Variants in TSHZ2 observed in about 807,000 individuals in gnomAD.
TSHZ2 encodes the protein teashirt zinc finger homeobox 2, also known as teashirt homolog 2.
A neutral mutation model predicts 74.4 loss-of-function variants in TSHZ2; 21 were observed. That is an observed-to-expected ratio of 0.28 (90% CI 0.20 to 0.41). The LOEUF (loss-of-function observed/expected upper bound fraction) is 0.41. Ranked by LOEUF, TSHZ2 falls within the 10% of genes least tolerant of loss-of-function variation. The pLI is 1.00. For missense variants in TSHZ2, 1,244 were observed against 1,293.5 expected (o/e 0.96, Z 0.59); for synonymous variants, 540 against 515.3 (o/e 1.05, Z -0.65).
chr20:53,007,669 G>T (rs143059409), intron 1 of TSHZ2, among the ~76,000 whole-genome samples: 15 of 151,350 alleles, frequency 9.9e-5, no homozygotes, highest in African/African-American at 3.6e-4. Context: ...ATACTCATGC[G>T]TGTATGTATG....
chr20:53,003,035 CATA>C (rs965815438), intron 1 of TSHZ2, among the ~76,000 whole-genome samples: 1 of 152,126 alleles, frequency 6.6e-6, no homozygotes, highest in African/African-American at 2.4e-5. Context: ...ACGTTGTAGA[CATA>C]ATAAGAGACA....
chr20:53,405,950 T>G (rs1364395702), intron 2 of TSHZ2, among the ~76,000 whole-genome samples: 3 of 152,028 alleles, frequency 2.0e-5, no homozygotes, highest in African/African-American at 7.3e-5. Flanking sequence ...TGAGCCTATA[T>G]TGCACCACTG....
rs527983289 is a variant in TSHZ2 at position 53,339,798 on chromosome 20, G to T, written c.*8+83227G>T. On this transcript the variant is annotated intron_variant, in intron 2 of 2. Coordinates refer to ENST00000371497, the MANE Select transcript of TSHZ2 (RefSeq NM_173485.6). ...GGGACTCGCTGCTCTCCTGGGCACTGCTGGAGGAAGGGATGCAGGTTATTG... is the reference window on the plus strand; with the variant it reads ...GGGACTCGCTGCTCTCCTGGGCACTTCTGGAGGAAGGGATGCAGGTTATTG... Among the ~76,000 whole-genome samples the T allele has an allele frequency of 3.3e-5, 5 of 152,280 alleles. No individual in the cohort carries two copies. The South Asian group carries it at 1.0e-3, about 32-fold the overall frequency.
At chr20:53,405,116 G>T (rs893190065) in intron 2 of TSHZ2, among the ~76,000 whole-genome samples, 1 of 142,122 alleles carries the variant, frequency 7.0e-6, no homozygotes, top group African/African-American at 2.5e-5. Context: ...AGCTGTGGTT[G>T]CGCGTACCTA....
Position 53,488,834 on chromosome 20 carries a change from TTA to T in TSHZ2, c.*1700_*1701del. ...ATGATCCCTAAATTCAACATTGGGA[TTA>T]AAAAAAAAAAAAAACTTCTTATTTA... On this transcript the variant is annotated 3_prime_UTR_variant, in exon 3 of 3. Transcript: ENST00000371497. 2 of 325,448 alleles carry T rather than the reference TTA, an allele frequency of 6.1e-6. No homozygotes were observed. Among genetic ancestry groups the T allele is most frequent in the Non-Finnish European group, 1.2e-5 (2 of 165,586 alleles). 20.2% of individuals were successfully genotyped at this position (325,448 alleles called of 1,614,324 possible).
At chr20:53,189,905 G>A (rs1988685755) in intron 1 of TSHZ2, among the ~76,000 whole-genome samples, 1 of 150,904 alleles carries the variant, frequency 6.6e-6, no homozygotes, top group Admixed American at 6.6e-5. Flanking sequence ...GCAACATGGT[G>A]AAACCTCATG....
chr20:53,392,684 G>A (rs1600603095), intron 2 of TSHZ2, among the ~76,000 whole-genome samples: 2 of 151,940 alleles, frequency 1.3e-5, no homozygotes. Flanking sequence ...TTTTAGCATT[G>A]TATTCATTCT....
chr20:53,337,666 G>T (rs75776705), intron 2 of TSHZ2, among the ~76,000 whole-genome samples: 4 of 152,278 alleles, frequency 2.6e-5, no homozygotes, highest in East Asian at 1.9e-4. Flanking sequence ...GCTCAGATTC[G>T]ATTCTTGTTA....
chr20:53,113,617 T>C (rs1036470042), intron 1 of TSHZ2, among the ~76,000 whole-genome samples: 6 of 152,194 alleles, frequency 3.9e-5, no homozygotes, highest in Non-Finnish European at 2.9e-5. Flanking sequence ...TTTCAGAATA[T>C]CTAAGAGGCA....
chr20:53,446,791 T>C (rs1416524998), intron 2 of TSHZ2, among the ~76,000 whole-genome samples: 1 of 152,150 alleles, frequency 6.6e-6, no homozygotes, highest in Non-Finnish European at 1.5e-5. Flanking sequence ...ACTGACTCTC[T>C]AGTGGGGGCA....
intron 1 of TSHZ2, among the ~76,000 whole-genome samples, chr20:53,157,071 T>A (rs1041959210): frequency 6.6e-6 from 1 of 152,244 alleles, no homozygotes; most frequent in African/African-American, 2.4e-5. Context: ...GTGTGAAAAC[T>A]GCAAGTCCTG....
intron 1 of TSHZ2, among the ~76,000 whole-genome samples, chr20:53,160,161 T>C (rs1439456040): frequency 6.6e-6 from 1 of 152,072 alleles, no homozygotes; most frequent in Non-Finnish European, 1.5e-5. Flanking sequence ...GAGGGGCACA[T>C]GGGAGAGAGG....
intron 2 of TSHZ2, among the ~76,000 whole-genome samples, chr20:53,456,248 C>T (rs977172276): frequency 4.4e-4 from 66 of 150,584 alleles, no homozygotes; most frequent in African/African-American, 1.5e-3. Flanking sequence ...TTAATGATTG[C>T]CATTCTAACT....
intron 2 of TSHZ2, chr20:53,397,754 A>G (rs942317714): frequency 4.6e-5 from 7 of 152,286 alleles, no homozygotes; most frequent in Admixed American, 2.0e-4. Context: ...AGACTGGATT[A>G]AGAAAATTTG....
At chr20:53,363,187 C>G (rs1981131442) in intron 2 of TSHZ2, among the ~76,000 whole-genome samples, 1 of 152,252 alleles carries the variant, frequency 6.6e-6, no homozygotes, top group Non-Finnish European at 1.5e-5. Context: ...CTGCCTTGAT[C>G]TCACATCCTG....
intron 1 of TSHZ2, among the ~76,000 whole-genome samples, chr20:53,105,073 G>T (rs6022280): frequency 0.05 from 7,620 of 152,262 alleles, 334 homozygotes; most frequent in African/African-American, 0.12. Flanking sequence ...ATTCCTAGAT[G>T]CAGTAGTCAA....
At chr20:53,176,325 A>G (rs1355632290) in intron 1 of TSHZ2, among the ~76,000 whole-genome samples, 1 of 152,198 alleles carries the variant, frequency 6.6e-6, no homozygotes, top group Non-Finnish European at 1.5e-5. Context: ...GTTGCTGAAC[A>G]CCTGTAGCCA....
intron 1 of TSHZ2, among the ~76,000 whole-genome samples, chr20:53,140,831 C>T (rs1202148242): frequency 6.6e-6 from 1 of 152,108 alleles, no homozygotes; most frequent in Non-Finnish European, 1.5e-5. Flanking sequence ...GCAAAGCATG[C>T]CAGGTAGAAT....
At chr20:53,306,217 G>A (rs144613112) in intron 2 of TSHZ2, among the ~76,000 whole-genome samples, 11 of 152,274 alleles carry the variant, frequency 7.2e-5, no homozygotes, top group African/African-American at 2.6e-4. Flanking sequence ...ACTGGGTAGA[G>A]CCACCACCCA....
Sources: allele counts gnomAD v4.1 joint callset (sites outside exome capture counted in the v4.1 genomes callset), GRCh38; gene constraint gnomAD v4.1.1; transcripts MANE v1.5; gene names NCBI Gene and HGNC (gene_info 2026-07-23, HGNC 2026-07-21).